The following ARHGAP35 variants were observed in gnomAD, a reference collection of about 807,000 sequenced individuals.
ARHGAP35 encodes rho GTPase-activating protein 35.
ARHGAP35 carries 15 observed loss-of-function variants against 111.1 expected under a neutral mutation model. That is an observed-to-expected ratio of 0.13 (90% CI 0.09 to 0.21). The LOEUF is 0.21. Ranked by LOEUF, ARHGAP35 falls within the 10% of genes least tolerant of loss-of-function variation. The pLI, the probability that ARHGAP35 is intolerant of heterozygous loss-of-function variation, is 1.00. For missense variants in ARHGAP35, 1,262 were observed against 1,873.0 expected (o/e 0.67, Z 6.02); for synonymous variants, 643 against 710.3 (o/e 0.91, Z 1.51).
intron 5 of ARHGAP35, among the ~76,000 whole-genome samples, chr19:46,990,632 GTCTCA>G (rs1187826303): frequency 6.6e-6 from 1 of 152,198 alleles, no homozygotes; most frequent in Non-Finnish European, 1.5e-5. Flanking sequence ...CAAGACATTA[GTCTCA>G]TCTTGTCACT....
At chr19:46,894,134 G>A (rs1423782088) in intron 1 of ARHGAP35, among the ~76,000 whole-genome samples, 2 of 152,040 alleles carry the variant, frequency 1.3e-5, no homozygotes, top group Admixed American at 1.3e-4. Context: ...AAAACAAAGA[G>A]CAAATGATGC....
At position 46,922,833 on chromosome 19, in the gene ARHGAP35, A is replaced by G. The variant is rs1207103238; in HGVS notation, c.3681+477A>G. On this transcript the variant is annotated intron_variant, in intron 2 of 6. Transcript: ENST00000672722. This position sits in a 1 kb window ranked among gnomAD's most constrained non-coding sequence, Gnocchi z 4.0. ...TGAAGGATTGGATGATGATTTGCAC[A>G]CACAAATCAGTGACGAGTCTTTGAG... 6.6e-6 allele frequency among the ~76,000 whole-genome samples: 1 copy of G among 152,202 alleles called. No homozygotes were observed. Among genetic ancestry groups the G allele is most frequent in the Admixed American group, 6.5e-5 (1 of 15,284 alleles).
chr19:46,879,439 T>A (rs1210330103), intron 1 of ARHGAP35, among the ~76,000 whole-genome samples: 1 of 151,600 alleles, frequency 6.6e-6, no homozygotes, highest in Non-Finnish European at 1.5e-5. Context: ...ATACAAAAAT[T>A]AGCTGAGCGT....
At chr19:46,952,027 T>TCA (rs1288613174) in intron 3 of ARHGAP35, among the ~76,000 whole-genome samples, 15 of 152,238 alleles carry the variant, frequency 9.9e-5, no homozygotes, top group African/African-American at 3.4e-4. Context: ...ATGACTATAG[T>TCA]TAACAGTAAT....
At position 46,922,498 on chromosome 19, in the gene ARHGAP35, A is replaced by C. The variant is rs1390227781; in HGVS notation, c.3681+142A>C. 1 of 804,740 alleles carries C rather than the reference A, an allele frequency of 1.2e-6. No individual in the cohort carries two copies. Among genetic ancestry groups the C allele is most frequent in the African/African-American group, 1.7e-5 (1 of 57,556 alleles). The allele number at this position is 804,740 out of a possible 1,614,324, so 49.8% of individuals were successfully genotyped here. A position where few individuals can be genotyped will look rare whatever the true frequency, so the allele number is the denominator to read the frequency against. ...TGTATTTGACTTAACATAAAAAAGC[A>C]GTGCCTCAATTAGCTACCATTATTG... On this transcript the variant is annotated intron_variant, in intron 2 of 6. Transcript: ENST00000672722. The surrounding 1 kb of genome is among the most constrained non-coding windows in gnomAD (Gnocchi z 4.0).
At chr19:46,876,719 G>A (rs2055924467) in intron 1 of ARHGAP35, among the ~76,000 whole-genome samples, 1 of 152,048 alleles carries the variant, frequency 6.6e-6, no homozygotes, top group Non-Finnish European at 1.5e-5. Flanking sequence ...TGTTGCCCAG[G>A]CTGGTCTTGA....
chr19:46,871,677 A>G (rs145149098), intron 1 of ARHGAP35, among the ~76,000 whole-genome samples: 1 of 151,702 alleles, frequency 6.6e-6, no homozygotes, highest in Non-Finnish European at 1.5e-5. Flanking sequence ...TCCTTGATCT[A>G]CTTATAAGAA....
At chr19:46,881,585 C>G (rs2055962746) in intron 1 of ARHGAP35, among the ~76,000 whole-genome samples, 1 of 152,188 alleles carries the variant, frequency 6.6e-6, no homozygotes, top group Admixed American at 6.5e-5. Flanking sequence ...GTAAACTATG[C>G]TGTAAACAGA....
intron 2 of ARHGAP35, among the ~76,000 whole-genome samples, chr19:46,924,373 A>G (rs938992261): frequency 7.9e-5 from 12 of 152,204 alleles, no homozygotes; most frequent in Admixed American, 6.5e-4. Context: ...ATCCCATAGT[A>G]GAGAGTGTTC....
intron 2 of ARHGAP35, among the ~76,000 whole-genome samples, chr19:46,928,491 G>A (rs1177328803): frequency 6.6e-6 from 1 of 152,086 alleles, no homozygotes; most frequent in Non-Finnish European, 1.5e-5. Flanking sequence ...TTCAGTGTGT[G>A]TTGAACTTCA....
chr19:46,926,777 G>GT lies in ARHGAP35; in HGVS notation c.3681+4422dup, dbSNP rs752964148. Among the ~76,000 whole-genome samples the GT allele has an allele frequency of 2.0e-4, 31 of 152,190 alleles. No individual in the cohort carries two copies. The highest frequency in any genetic ancestry group is 4.3e-4 in the Non-Finnish European group (29 of 68,042). On this transcript the variant is annotated intron_variant, in intron 2 of 6. Transcript: ENST00000672722. The surrounding 1 kb of genome is among the most constrained non-coding windows in gnomAD (Gnocchi z 4.1). ...CCAAGTAACCAGTTTGACAGTTTGT[G>GT]TCCCCCCCTAGTGAATTGGCTTATT...
chr19:46,999,216 C>A lies in ARHGAP35; in HGVS notation c.4037-88C>A. The stretch of plus-strand genomic sequence containing the variant: ...TGTCATCCAAAAGCCCTGGGCTGTC[C>A]TCAGAGAAGGCCCATCACAGAGCAC... On this transcript the variant is annotated intron_variant, in intron 5 of 6. Transcript: ENST00000672722. The surrounding 1 kb of genome is among the most constrained non-coding windows in gnomAD (Gnocchi z 5.4). 1 of 856,474 alleles carries A rather than the reference C, an allele frequency of 1.2e-6. No individual in the cohort carries two copies. Among genetic ancestry groups the A allele is most frequent in the Non-Finnish European group, 1.9e-6 (1 of 529,188 alleles). 53.1% of individuals were successfully genotyped at this position (856,474 alleles called of 1,614,324 possible).
rs1488203656 is a variant in ARHGAP35 at position 47,001,750 on chromosome 19, ATGTGAG to A, written c.*1073_*1078del. ...GCGTGGGGTGGGGGTGTGTGTGCACATGTGAGTGTGAGTGTGTGTGGGCGCTTGGTG... is the reference window on the plus strand; with the variant it reads ...GCGTGGGGTGGGGGTGTGTGTGCACATGTGAGTGTGTGTGGGCGCTTGGTG... On this transcript the variant is annotated 3_prime_UTR_variant, in exon 7 of 7. Transcript: ENST00000672722. This position sits in a 1 kb window ranked among gnomAD's most constrained non-coding sequence, Gnocchi z 5.4. 2.1e-5 allele frequency: 6 copies of A among 287,254 alleles called. No homozygotes were observed. The highest frequency in any genetic ancestry group is 7.0e-5 in the South Asian group (2 of 28,698). The allele number at this position is 287,254 out of a possible 1,614,324, so 17.8% of individuals were successfully genotyped here. A position where few individuals can be genotyped will look rare whatever the true frequency, so the allele number is the denominator to read the frequency against.
intron 3 of ARHGAP35, among the ~76,000 whole-genome samples, chr19:46,942,306 G>C (rs1412960418): frequency 2.0e-5 from 3 of 152,132 alleles, no homozygotes; most frequent in Non-Finnish European, 4.4e-5. Context: ...AGGTAAGCTA[G>C]CTTTCAACAT....
intron 1 of ARHGAP35, among the ~76,000 whole-genome samples, chr19:46,909,054 CTT>C (rs10593268): frequency 0.038 from 5,719 of 152,254 alleles, 360 homozygotes; most frequent in African/African-American, 0.13. Context: ...AATCCCAACA[CTT>C]TGGGAGGGTG....
chr19:46,923,102 CTTTTTTTTTT>C (rs397976247), intron 2 of ARHGAP35, among the ~76,000 whole-genome samples: 1 of 123,660 alleles, frequency 8.1e-6, no homozygotes, highest in Non-Finnish European at 1.7e-5. Context: ...AATGAAGTCT[CTTTTTTTTTT>C]TTTTTTTTTT....
intron 1 of ARHGAP35, among the ~76,000 whole-genome samples, chr19:46,900,315 AG>A (rs1277127076): frequency 7.0e-6 from 1 of 143,660 alleles, no homozygotes; most frequent in African/African-American, 2.6e-5. Context: ...TCCTCCTCCC[AG>A]GTTTAAGTGA....
At chr19:46,874,501 CTTTTT>C (rs758783354) in intron 1 of ARHGAP35, among the ~76,000 whole-genome samples, 1 of 114,450 alleles carries the variant, frequency 8.7e-6, no homozygotes, top group East Asian at 2.4e-4. Flanking sequence ...TATGTTTTGT[CTTTTT>C]TTTTTTTTTT....
chr19:46,907,064 C>T (rs2056112307), intron 1 of ARHGAP35, among the ~76,000 whole-genome samples: 1 of 152,088 alleles, frequency 6.6e-6, no homozygotes, highest in South Asian at 2.1e-4. Context: ...TGGGCTCCAA[C>T]CTGGGTGATA....
Sources: gnomAD v4.1 joint callset for allele counts (sites outside exome capture counted in the v4.1 genomes callset) on GRCh38, gnomAD v4.1.1 for gene constraint, Gnocchi (gnomAD v3.1) non-coding constraint, MANE v1.5 for transcripts, NCBI Gene and HGNC (gene_info 2026-07-23, HGNC 2026-07-21) for gene names.